The following CACNA2D3 variants were observed in gnomAD, a reference collection of about 807,000 sequenced individuals.
CACNA2D3 encodes the protein calcium voltage-gated channel auxiliary subunit alpha2delta 3.
CACNA2D3 carries 60 observed loss-of-function variants against 160.6 expected under a neutral mutation model. That is an observed-to-expected ratio of 0.37 (90% CI 0.30 to 0.46). The LOEUF (loss-of-function observed/expected upper bound fraction) is 0.46, where lower values mean the gene tolerates loss of function less well. CACNA2D3 is among the 20% of genes least tolerant of loss of function. The probability of loss-of-function intolerance (pLI) is 1.00; values close to 1 mark genes in which losing one functional copy is unlikely to be tolerated. For missense variants in CACNA2D3, 1,205 were observed against 1,365.0 expected (o/e 0.88, Z 1.85); for synonymous variants, 558 against 492.9 (o/e 1.13, Z -1.75).
chr3:55,043,635 T>C (rs376288729), intron 35 of CACNA2D3, among the ~76,000 whole-genome samples: 1 of 152,152 alleles, frequency 6.6e-6, no homozygotes, highest in East Asian at 1.9e-4. Flanking sequence ...GCAGAAAGTA[T>C]TTTATTTCAT....
chr3:54,454,092 T>C (rs1700355879), intron 4 of CACNA2D3, among the ~76,000 whole-genome samples: 1 of 152,200 alleles, frequency 6.6e-6, no homozygotes, highest in Non-Finnish European at 1.5e-5. Flanking sequence ...CTAACAGTCC[T>C]ATGAATCTGC....
At chr3:54,452,039 C>T (rs1052322964) in intron 4 of CACNA2D3, among the ~76,000 whole-genome samples, 4 of 152,166 alleles carry the variant, frequency 2.6e-5, no homozygotes, top group African/African-American at 9.7e-5. Context: ...ACTAGAAGTA[C>T]CTTTAAACTT....
rs537613776 is a variant in CACNA2D3 at position 54,636,799 on chromosome 3, A to G, written c.1054-5329A>G. Reference sequence around the variant, plus strand: ...TTATGAGAATTATGCCGAGATAGGTAACAGATGAGGATGAAATTTGGGCTT... The same window carrying G: ...TTATGAGAATTATGCCGAGATAGGTGACAGATGAGGATGAAATTTGGGCTT... On this transcript the variant is annotated intron_variant, in intron 10 of 37. Transcript: ENST00000474759. Among the ~76,000 whole-genome samples, 3 of 152,154 alleles carry G rather than the reference A, an allele frequency of 2.0e-5. No individual in the cohort carries two copies. In the South Asian group the frequency reaches 6.2e-4, roughly 32 times the overall value.
chr3:54,362,053 A>T (rs1698752244), intron 3 of CACNA2D3, among the ~76,000 whole-genome samples: 1 of 152,172 alleles, frequency 6.6e-6, no homozygotes. Context: ...TCATCTTTTC[A>T]ACAACACCAC....
intron 6 of CACNA2D3, among the ~76,000 whole-genome samples, chr3:54,563,225 T>G (rs1320370530): frequency 6.6e-6 from 1 of 152,212 alleles, no homozygotes; most frequent in Non-Finnish European, 1.5e-5. Context: ...TGTACCTTAT[T>G]TAATACTTCT....
intron 11 of CACNA2D3, among the ~76,000 whole-genome samples, chr3:54,724,407 A>T (rs1440039293): frequency 6.6e-6 from 1 of 152,180 alleles, no homozygotes; most frequent in African/African-American, 2.4e-5. Flanking sequence ...TCACCTCTGG[A>T]CCAAGGGGAC....
chr3:54,599,802 G>A (rs79788011), intron 9 of CACNA2D3, among the ~76,000 whole-genome samples: 33 of 152,264 alleles, frequency 2.2e-4, no homozygotes, highest in Admixed American at 7.2e-4. Flanking sequence ...TTTTAGTGCC[G>A]CGTGGCTTCA....
intron 18 of CACNA2D3, among the ~76,000 whole-genome samples, chr3:54,873,003 C>A (rs1397790401): frequency 2.0e-5 from 3 of 152,012 alleles, no homozygotes; most frequent in Non-Finnish European, 1.5e-5. Flanking sequence ...AGACTCCTGC[C>A]AGGTTCAAAT....
chr3:54,820,671 T>C (rs997913787), intron 14 of CACNA2D3, among the ~76,000 whole-genome samples: 1 of 152,206 alleles, frequency 6.6e-6, no homozygotes, highest in Non-Finnish European at 1.5e-5. Flanking sequence ...GGGTGGAAAT[T>C]GGACCAGTTT....
chr3:54,401,830 A>T (rs943598800), intron 4 of CACNA2D3, among the ~76,000 whole-genome samples: 1 of 152,204 alleles, frequency 6.6e-6, no homozygotes, highest in African/African-American at 2.4e-5. Flanking sequence ...TCAATGGTAA[A>T]GGTCAAGTCC....
rs894193113 is a variant in CACNA2D3 at position 54,499,167 on chromosome 3, C to T, written c.382-4325C>T. Among the ~76,000 whole-genome samples, 3 of 152,086 alleles carry T rather than the reference C, an allele frequency of 2.0e-5. No homozygotes were observed. The South Asian group carries it at 6.2e-4, about 31-fold the overall frequency. ...CCAATAAAAATCCTGAATGCTGAGT[C>T]TCTGTTAGACACCACTTCCAATGTA... On this transcript the variant is annotated intron_variant, in intron 4 of 37. Transcript: ENST00000474759.
At chr3:54,464,908 G>A (rs1700588853) in intron 4 of CACNA2D3, among the ~76,000 whole-genome samples, 2 of 152,088 alleles carry the variant, frequency 1.3e-5, no homozygotes, top group Admixed American at 6.5e-5. Context: ...TTCCTATTTG[G>A]CCATCTTCTC....
chr3:54,131,430 C>T (rs538370086), intron 2 of CACNA2D3, among the ~76,000 whole-genome samples: 1 of 152,344 alleles, frequency 6.6e-6, no homozygotes, highest in African/African-American at 2.4e-5. Flanking sequence ...GGTCCTTATG[C>T]CACAGGAGAT....
intron 6 of CACNA2D3, among the ~76,000 whole-genome samples, chr3:54,567,666 G>A (rs1006918402): frequency 6.6e-6 from 1 of 152,202 alleles, no homozygotes; most frequent in African/African-American, 2.4e-5. Flanking sequence ...CTGCCAAGTA[G>A]CTGGGATTAC....
chr3:55,053,530 T>G (rs1037721757), intron 35 of CACNA2D3, among the ~76,000 whole-genome samples: 1 of 151,998 alleles, frequency 6.6e-6, no homozygotes, highest in African/African-American at 2.4e-5. Context: ...GTCAGATTTC[T>G]CTCTAAATCT....
At chr3:54,956,490 A>G (rs6794724) in intron 27 of CACNA2D3, among the ~76,000 whole-genome samples, 48,314 of 152,058 alleles carry the variant, frequency 0.32, 8,369 homozygotes, top group Middle Eastern at 0.48. Context: ...CATGGGCCAC[A>G]TGGTCTTAAC....
intron 5 of CACNA2D3, among the ~76,000 whole-genome samples, chr3:54,541,604 T>C (rs1236954814): frequency 1.3e-5 from 2 of 152,192 alleles, no homozygotes; most frequent in Admixed American, 6.5e-5. Flanking sequence ...TGGACACTTA[T>C]TTAGACATGC....
chr3:54,952,917 G>C (rs111372749), intron 27 of CACNA2D3, among the ~76,000 whole-genome samples: 11 of 152,282 alleles, frequency 7.2e-5, no homozygotes, highest in African/African-American at 2.4e-4. Flanking sequence ...TTGTCTTCCA[G>C]CAACAAAGGA....
rs1699965432 is a variant in CACNA2D3, at chr3:54,887,958, G to A, written c.2057-1G>A. The A allele has an allele frequency of 1.2e-6, 2 of 1,613,300 alleles. No individual in the cohort carries two copies. Among genetic ancestry groups the A allele is most frequent in the African/African-American group, 2.7e-5 (2 of 74,912 alleles). On this transcript the variant is annotated splice_acceptor_variant, in intron 23 of 37. Coordinates refer to ENST00000474759, the MANE Select transcript of CACNA2D3 (RefSeq NM_018398.3). LOFTEE classifies it high-confidence loss of function. ...ATCCTCTTGTCTGTCCCTCCCAACAGGTGATAAAGAATTGATCCAAGAAGT... is the reference window on the plus strand; with the variant it reads ...ATCCTCTTGTCTGTCCCTCCCAACAAGTGATAAAGAATTGATCCAAGAAGT...
Sources: gnomAD v4.1 joint callset for allele counts (sites outside exome capture counted in the v4.1 genomes callset) on GRCh38, gnomAD v4.1.1 for gene constraint, MANE v1.5 for transcripts, NCBI Gene and HGNC (gene_info 2026-07-23, HGNC 2026-07-21) for gene names.